The following RBFOX1 variants were observed in gnomAD, a reference collection of about 807,000 sequenced individuals.
RBFOX1 encodes the protein RNA binding protein fox-1 homolog 1.
A neutral mutation model predicts 57.7 loss-of-function variants in RBFOX1; 8 were observed. That is an observed-to-expected ratio of 0.14 (90% CI 0.08 to 0.25). The LOEUF (loss-of-function observed/expected upper bound fraction) is 0.25, where lower values mean the gene tolerates loss of function less well. Ranked by LOEUF, RBFOX1 falls within the 10% of genes least tolerant of loss-of-function variation. The pLI is 1.00. For missense variants in RBFOX1, 611 were observed against 548.5 expected (o/e 1.11, Z -1.14); for synonymous variants, 326 against 222.4 (o/e 1.47, Z -4.15).
At chr16:5,856,604 T>TATATATATATATATATATATATA (rs776623035) in intron 3 of RBFOX1, among the ~76,000 whole-genome samples, 2 of 68,106 alleles carry the variant, frequency 2.9e-5, no homozygotes, top group Admixed American at 1.8e-4. Flanking sequence ...TATATATATA[T>TATATATATATATATATATATATA]AATCTTAGCC....
intron 1 of RBFOX1, among the ~76,000 whole-genome samples, chr16:6,046,482 C>T (rs1008020739): frequency 6.6e-6 from 1 of 152,156 alleles, no homozygotes; most frequent in African/African-American, 2.4e-5. Flanking sequence ...ACAATGTATA[C>T]TCGAGTCTAG....
At chr16:6,537,839 C>G (rs905286671) in intron 2 of RBFOX1, among the ~76,000 whole-genome samples, 1 of 151,808 alleles carries the variant, frequency 6.6e-6, no homozygotes, top group Non-Finnish European at 1.5e-5. Context: ...GAGTGATTTT[C>G]TTTATATATA....
chr16:7,313,450 T>C (rs1475238055), intron 4 of RBFOX1, among the ~76,000 whole-genome samples: 3 of 145,504 alleles, frequency 2.1e-5, no homozygotes, highest in African/African-American at 7.6e-5. Flanking sequence ...TTTCTTCTTT[T>C]TTATCTTTTT....
intron 4 of RBFOX1, among the ~76,000 whole-genome samples, chr16:7,076,974 AGT>A (rs2058406736): frequency 6.6e-6 from 1 of 152,192 alleles, no homozygotes; most frequent in African/African-American, 2.4e-5. Flanking sequence ...GGAAATGTGC[AGT>A]GTTATTGGGT....
chr16:6,388,070 C>G (rs1426475675), intron 2 of RBFOX1, among the ~76,000 whole-genome samples: 2 of 148,630 alleles, frequency 1.3e-5, no homozygotes, highest in African/African-American at 5.1e-5. Context: ...ACCTCTGCCT[C>G]TCGGGTTCAA....
intron 2 of RBFOX1, among the ~76,000 whole-genome samples, chr16:6,592,480 C>G (rs1600847431): frequency 6.6e-6 from 1 of 152,098 alleles, no homozygotes; most frequent in Non-Finnish European, 1.5e-5. Flanking sequence ...TAAGAAATGA[C>G]CAGTGGTAAA....
In RBFOX1 at chr16:5,904,649, G is replaced by GAATGTGACTGCTTTA; in HGVS notation, c.351+37328_351+37329insAAATGTGACTGCTTT. Among the ~76,000 whole-genome samples, 6 of 152,156 alleles carry GAATGTGACTGCTTTA rather than the reference G, an allele frequency of 3.9e-5. 1 individual carries two copies. In the South Asian group the frequency reaches 1.2e-3, roughly 32 times the overall value. On this transcript the variant is annotated intron_variant, in intron 4 of 19. Transcript: ENST00000641259. ...TGAGGTCTTTGCCCTCAGTACCTCA[G>GAATGTGACTGCTTTA]AATGTGACTGCTTTTGAAGACAGCA...
chr16:5,271,925 G>T (rs893500876), intron 1 of RBFOX1, among the ~76,000 whole-genome samples: 1 of 152,176 alleles, frequency 6.6e-6, no homozygotes, highest in African/African-American at 2.4e-5. Flanking sequence ...AAAATGACAG[G>T]ATTTCTTTCT....
chr16:6,312,759 C>A (rs148499407), intron 1 of RBFOX1, among the ~76,000 whole-genome samples: 2 of 151,098 alleles, frequency 1.3e-5, no homozygotes, highest in Non-Finnish European at 2.9e-5. Context: ...CCCCTCCCTC[C>A]GTCCCTCCCT....
chr16:6,808,898 C>A (rs150056279), intron 3 of RBFOX1, among the ~76,000 whole-genome samples: 2 of 152,222 alleles, frequency 1.3e-5, no homozygotes, highest in Admixed American at 6.5e-5. Context: ...CGGATAATCC[C>A]AAAGCAAGAT....
chr16:7,294,468 A>G (rs997749497), intron 4 of RBFOX1, among the ~76,000 whole-genome samples: 3 of 151,284 alleles, frequency 2.0e-5, no homozygotes, highest in African/African-American at 7.3e-5. Context: ...CTGATAGAAC[A>G]TTGTCTCCAT....
intron 3 of RBFOX1, among the ~76,000 whole-genome samples, chr16:6,957,331 C>T (rs374623249): frequency 6.6e-6 from 1 of 151,912 alleles, no homozygotes; most frequent in African/African-American, 2.4e-5. Flanking sequence ...CGGGGTTTCA[C>T]CATGTTAGCC....
chr16:6,904,523 C>G (rs1285120704), intron 3 of RBFOX1, among the ~76,000 whole-genome samples: 1 of 144,174 alleles, frequency 6.9e-6, no homozygotes, highest in African/African-American at 2.6e-5. Context: ...ATTGTTTGAA[C>G]CCAGGAGGCA....
At chr16:5,624,468 A>T (rs969172581) in intron 3 of RBFOX1, among the ~76,000 whole-genome samples, 1 of 152,216 alleles carries the variant, frequency 6.6e-6, no homozygotes, top group African/African-American at 2.4e-5. Flanking sequence ...AAGTTCTGGG[A>T]TCACAGGCGT....
At chr16:5,415,534 C>T (rs137970137) in intron 1 of RBFOX1, among the ~76,000 whole-genome samples, 131 of 152,304 alleles carry the variant, frequency 8.6e-4, no homozygotes, top group African/African-American at 3.2e-3. Context: ...ACCTGCTCTC[C>T]TCATTGTACA....
In RBFOX1 at chr16:6,133,785, G is replaced by A. The variant is rs762625731; in HGVS notation, c.-127+113793G>A. Among the ~76,000 whole-genome samples, 60 of 152,160 alleles carry A rather than the reference G, an allele frequency of 3.9e-4. 2 individuals carry two copies. The highest frequency in any genetic ancestry group is 1.0e-3 in the Admixed American group (16 of 15,266). On this transcript the variant is annotated intron_variant, in intron 1 of 15. Transcript: ENST00000550418. Reference sequence around the variant, plus strand: ...ACACCCTGGTCTATCCTGCCACAGGGTCTTTGCCTGTGCTGTGCTTCATGC... The same window carrying A: ...ACACCCTGGTCTATCCTGCCACAGGATCTTTGCCTGTGCTGTGCTTCATGC...
intron 1 of RBFOX1, among the ~76,000 whole-genome samples, chr16:5,380,260 T>G (rs973845940): frequency 6.6e-6 from 1 of 152,102 alleles, no homozygotes; most frequent in Non-Finnish European, 1.5e-5. Flanking sequence ...CGACTTTCAG[T>G]AGGTAGATGG....
chr16:6,640,414 G>T lies in RBFOX1; in HGVS notation c.-63-14189G>T, dbSNP rs528294301. Among the ~76,000 whole-genome samples the T allele has an allele frequency of 7.2e-5, 11 of 152,176 alleles. No individual in the cohort carries two copies. The East Asian group carries it at 1.7e-3, about 24-fold the overall frequency. On this transcript the variant is annotated intron_variant, in intron 2 of 15. Transcript: ENST00000550418. ...ACTGGAGGCCAGGAGTGTGAGACCA[G>T]CCTGGCCAACATGGTCAAACCCCAT...
chr16:7,263,936 A>C (rs1009738387), intron 4 of RBFOX1, among the ~76,000 whole-genome samples: 209 of 147,312 alleles, frequency 1.4e-3, no homozygotes, highest in Admixed American at 3.1e-3. Flanking sequence ...AAAAAAAAAA[A>C]CAAGTAGAAG....
Sources: allele counts gnomAD v4.1 joint callset (sites outside exome capture counted in the v4.1 genomes callset), GRCh38; gene constraint gnomAD v4.1.1; transcripts MANE v1.5; gene names NCBI Gene and HGNC (gene_info 2026-07-23, HGNC 2026-07-21).